NXPE2: variants seen among roughly 807,000 people sequenced by gnomAD.
NXPE2 encodes neurexophilin and PC-esterase domain family member 2.
NXPE2 carries 34 observed loss-of-function variants against 34.4 expected under a neutral mutation model. That is an observed-to-expected ratio of 0.99 (90% CI 0.75 to 1.31). The LOEUF (loss-of-function observed/expected upper bound fraction) is 1.31. Ranked by LOEUF, NXPE2 falls within the 40% of genes most tolerant of loss-of-function variation. NXPE2 has a pLI of 0.00. For synonymous variants in NXPE2, 235 were observed against 231.3 expected (o/e 1.02, Z -0.15); for missense variants, 649 against 672.5 (o/e 0.97, Z 0.39).
chr11:114,709,833 C>T (rs758113286), downstream of NXPE2, among the ~76,000 whole-genome samples: 6 of 151,228 alleles, frequency 4.0e-5, no homozygotes, highest in African/African-American at 4.9e-5. Flanking sequence ...ACCCGGGAGG[C>T]GGAGGTTGCA....
the NXPE2 span, among the ~76,000 whole-genome samples, chr11:114,495,811 C>T: frequency 3.9e-5 from 6 of 152,136 alleles, no homozygotes; most frequent in African/African-American, 1.4e-4. Flanking sequence ...TGTCTGGGAG[C>T]TGGGATCTGG....
chr11:114,501,999 C>T, the NXPE2 span, among the ~76,000 whole-genome samples: 1 of 152,134 alleles, frequency 6.6e-6, no homozygotes, highest in African/African-American at 2.4e-5. Context: ...CTAACCATTG[C>T]ACTATTGACA....
chr11:114,798,134 TTG>T, the NXPE2 span, among the ~76,000 whole-genome samples: 1 of 152,204 alleles, frequency 6.6e-6, no homozygotes, highest in South Asian at 2.1e-4. Context: ...TAACATACAT[TTG>T]TGTTTTAATA....
At chr11:114,656,539 C>G in the NXPE2 span, among the ~76,000 whole-genome samples, 1 of 152,122 alleles carries the variant, frequency 6.6e-6, no homozygotes, top group East Asian at 1.9e-4. Context: ...AAATGGGTAT[C>G]AAATATGTTG....
chr11:114,510,030 T>TAAC, the NXPE2 span, among the ~76,000 whole-genome samples: 19 of 152,226 alleles, frequency 1.2e-4, no homozygotes, highest in South Asian at 3.7e-3. Flanking sequence ...GAAAAACAGA[T>TAAC]AACATAGCAT....
chr11:114,780,964 G>A, the NXPE2 span, among the ~76,000 whole-genome samples: 4 of 152,196 alleles, frequency 2.6e-5, no homozygotes, highest in East Asian at 1.9e-4. Context: ...GGAGTGCAGC[G>A]GCGTGAGGCT....
chr11:114,797,087 G>T, the NXPE2 span, among the ~76,000 whole-genome samples: 1 of 152,196 alleles, frequency 6.6e-6, no homozygotes, highest in Non-Finnish European at 1.5e-5. Flanking sequence ...TCATGGAAAG[G>T]TTTCCTGTAG....
chr11:114,598,467 G>T, the NXPE2 span, among the ~76,000 whole-genome samples: 10 of 152,336 alleles, frequency 6.6e-5, no homozygotes, highest in Non-Finnish European at 1.5e-4. Flanking sequence ...CCTAGTAGAG[G>T]TTATCTAGAG....
chr11:114,646,285 AT>A, the NXPE2 span, among the ~76,000 whole-genome samples: 114 of 151,688 alleles, frequency 7.5e-4, 1 homozygote, highest in Admixed American at 7.4e-3. Flanking sequence ...TTTTTCAAGA[AT>A]TTTTTTCATA....
At chr11:114,511,265 A>G in the NXPE2 span, among the ~76,000 whole-genome samples, 1 of 152,194 alleles carries the variant, frequency 6.6e-6, no homozygotes, top group Non-Finnish European at 1.5e-5. Context: ...GCTTCCCGGA[A>G]GCCTTGTTAG....
the NXPE2 span, chr11:114,595,832 C>T: frequency 3.9e-5 from 6 of 152,404 alleles, no homozygotes; most frequent in East Asian, 1.1e-3. Context: ...GGATCACAAA[C>T]TGTAGTTATT....
At chr11:114,587,814 T>C in the NXPE2 span, among the ~76,000 whole-genome samples, 8 of 152,206 alleles carry the variant, frequency 5.3e-5, no homozygotes, top group African/African-American at 1.7e-4. Context: ...TGGAGTGCTT[T>C]CTGAAGCACT....
chr11:114,525,673 C>T, the NXPE2 span, among the ~76,000 whole-genome samples: 1 of 152,220 alleles, frequency 6.6e-6, no homozygotes, highest in African/African-American at 2.4e-5. Flanking sequence ...AGTTGCAACA[C>T]CTGGCTTGAG....
the NXPE2 span, among the ~76,000 whole-genome samples, chr11:114,797,941 T>C: frequency 6.6e-5 from 10 of 152,196 alleles, no homozygotes; most frequent in African/African-American, 2.4e-4. Flanking sequence ...TCCTCTTTGA[T>C]GTCTGAAACA....
chr11:114,719,493 T>C, the NXPE2 span, among the ~76,000 whole-genome samples: 1 of 152,208 alleles, frequency 6.6e-6, no homozygotes, highest in Non-Finnish European at 1.5e-5. Flanking sequence ...TCTCTTCACA[T>C]TGTCCTTGGT....
chr11:114,708,620 A>G (rs963829943), downstream of NXPE2, among the ~76,000 whole-genome samples: 12 of 148,838 alleles, frequency 8.1e-5, no homozygotes, highest in African/African-American at 2.7e-4. Flanking sequence ...ACAGAGCGAG[A>G]CTCCATCTCA....
At chr11:114,586,808 A>G in the NXPE2 span, among the ~76,000 whole-genome samples, 2 of 152,128 alleles carry the variant, frequency 1.3e-5, no homozygotes, top group South Asian at 4.1e-4. Context: ...CATGTCTCCT[A>G]TCCACTCTCT....
chr11:114,515,307 G>A, the NXPE2 span, among the ~76,000 whole-genome samples: 32,698 of 152,106 alleles, frequency 0.21, 4,885 homozygotes, highest in African/African-American at 0.41. Flanking sequence ...TATGTGGTAT[G>A]AGGTGAGAAT....
the NXPE2 span, among the ~76,000 whole-genome samples, chr11:114,605,903 G>A: frequency 1.5e-4 from 22 of 150,672 alleles, no homozygotes; most frequent in Non-Finnish European, 2.1e-4. Context: ...AATGTTACCC[G>A]GTTTATAATA....
Sources: gnomAD v4.1 joint callset for allele counts (sites outside exome capture counted in the v4.1 genomes callset) on GRCh38, gnomAD v4.1.1 for gene constraint, MANE v1.5 for transcripts, NCBI Gene and HGNC (gene_info 2026-07-23, HGNC 2026-07-21) for gene names.